L3MBTL4: variants seen among roughly 807,000 people sequenced by gnomAD.
The protein encoded by L3MBTL4 is L3MBTL histone methyl-lysine binding protein 4.
Under a neutral mutation model 84.5 loss-of-function variants are expected in L3MBTL4, and 70 were observed. That is an observed-to-expected ratio of 0.83 (90% CI 0.68 to 1.01). The LOEUF (loss-of-function observed/expected upper bound fraction) is 1.01. Ranked by LOEUF, L3MBTL4 falls within the 50% of genes least tolerant of loss-of-function variation. L3MBTL4 has a pLI of 0.00. For synonymous variants in L3MBTL4, 274 were observed against 259.8 expected (o/e 1.05, Z -0.52); for missense variants, 715 against 754.8 (o/e 0.95, Z 0.62).
intron 14 of L3MBTL4, among the ~76,000 whole-genome samples, chr18:6,130,570 A>G (rs994538500): frequency 3.3e-5 from 5 of 152,196 alleles, no homozygotes; most frequent in African/African-American, 1.2e-4. Context: ...TTCACATTGT[A>G]ACAATATCTG....
At position 6,285,813 on chromosome 18, in the gene L3MBTL4, T is replaced by TATTATC. The variant is rs1261143366; in HGVS notation, c.127+16089_127+16090insGATAAT. On this transcript the variant is annotated intron_variant, in intron 4 of 18. Coordinates refer to ENST00000317931, the MANE Select transcript of L3MBTL4 (RefSeq NM_001330559.2). Reference sequence around the variant, plus strand: ...CAATGAACTTTTTTAAAAGATATATTATTATTATTATTATTATTATTATTA... The same window carrying TATTATC: ...CAATGAACTTTTTTAAAAGATATATTATTATCATTATTATTATTATTATTATTATTA... Among the ~76,000 whole-genome samples the TATTATC allele has an allele frequency of 2.0e-3, 261 of 129,346 alleles. 1 individual carries two copies. Among genetic ancestry groups the TATTATC allele is most frequent in the African/African-American group, 9.0e-3 (257 of 28,656 alleles). 84.9% of individuals were successfully genotyped at this position (129,346 alleles called of 152,430 possible). A position where few individuals can be genotyped will look rare whatever the true frequency, so the allele number is the denominator to read the frequency against.
At position 6,312,947 on chromosome 18, in the gene L3MBTL4, C is replaced by T. The variant is rs549327180; in HGVS notation, c.-90-891G>A. 2.6e-5 allele frequency among the ~76,000 whole-genome samples: 4 copies of T among 152,244 alleles called. No homozygotes were observed. The South Asian group carries it at 8.3e-4, about 32-fold the overall frequency. On this transcript the variant is annotated intron_variant, in intron 1 of 18. Coordinates refer to ENST00000317931, the MANE Select transcript of L3MBTL4 (RefSeq NM_001330559.2). ...AACACCTTCCCCATTGCCTGCCCTC[C>T]CTTTTTCAACTTATCTAATTTGAAC...
Position 6,309,909 on chromosome 18 carries a change from AGCGGTAAGAT to A in L3MBTL4, c.72+1635_72+1644del, listed in dbSNP as rs552150218. Among the ~76,000 whole-genome samples the A allele has an allele frequency of 4.7e-3, 723 of 152,356 alleles. 3 individuals carry two copies. Among genetic ancestry groups the A allele is most frequent in the Non-Finnish European group, 7.1e-3 (480 of 68,028 alleles). Reference sequence around the variant, plus strand: ...AATATTGATTAACTGTAACATGCTTAGCGGTAAGATGCATCTAGCCACTTCCCTAGGACAA... The same window carrying A: ...AATATTGATTAACTGTAACATGCTTAGCATCTAGCCACTTCCCTAGGACAA... On this transcript the variant is annotated intron_variant, in intron 3 of 18. Coordinates refer to ENST00000317931, the MANE Select transcript of L3MBTL4 (RefSeq NM_001330559.2).
chr18:6,183,739 G>A (rs1186841298), intron 12 of L3MBTL4, among the ~76,000 whole-genome samples: 1 of 152,130 alleles, frequency 6.6e-6, no homozygotes, highest in Non-Finnish European at 1.5e-5. Flanking sequence ...AGAGTAAAAG[G>A]GAACACTATT....
intron 16 of L3MBTL4, among the ~76,000 whole-genome samples, chr18:6,037,359 T>C (rs1008830483): frequency 6.6e-6 from 1 of 152,208 alleles, no homozygotes; most frequent in Non-Finnish European, 1.5e-5. Context: ...TCTCTGGAAG[T>C]TGCAAGGCTT....
At chr18:6,091,849 C>T (rs994578903) in intron 15 of L3MBTL4, among the ~76,000 whole-genome samples, 1 of 151,946 alleles carries the variant, frequency 6.6e-6, no homozygotes, top group Non-Finnish European at 1.5e-5. Context: ...CAGATTATAG[C>T]AAAAAGATTA....
chr18:6,071,450 T>C (rs1237529466), intron 16 of L3MBTL4, among the ~76,000 whole-genome samples: 3 of 146,382 alleles, frequency 2.0e-5, no homozygotes, highest in South Asian at 4.3e-4. Flanking sequence ...TAACATTAGA[T>C]AGAAATGTAT....
chr18:6,356,224 C>T (rs537875105), intron 1 of L3MBTL4, among the ~76,000 whole-genome samples: 1 of 152,318 alleles, frequency 6.6e-6, no homozygotes, highest in Non-Finnish European at 1.5e-5. Context: ...ATTTACACTC[C>T]AAAGAATGCC....
chr18:6,323,706 G>T (rs1443042475), intron 1 of L3MBTL4, among the ~76,000 whole-genome samples: 1 of 152,214 alleles, frequency 6.6e-6, no homozygotes, highest in East Asian at 1.9e-4. Context: ...GCAAAGATAT[G>T]ACCTGAAATT....
At chr18:6,068,128 T>C (rs1485227180) in intron 16 of L3MBTL4, among the ~76,000 whole-genome samples, 1 of 152,208 alleles carries the variant, frequency 6.6e-6, no homozygotes, top group Non-Finnish European at 1.5e-5. Context: ...GCAGTAACCA[T>C]GCATTTGGCC....
chr18:6,108,613 A>T (rs2059089217), intron 14 of L3MBTL4, among the ~76,000 whole-genome samples: 1 of 152,110 alleles, frequency 6.6e-6, no homozygotes, highest in African/African-American at 2.4e-5. Flanking sequence ...TTAAAAAAAA[A>T]TTAATTGAAA....
Position 6,205,568 on chromosome 18 carries a change from C to T in L3MBTL4, c.981+7581G>A, listed in dbSNP as rs148061565. Among the ~76,000 whole-genome samples the T allele has an allele frequency of 3.5e-3, 529 of 152,250 alleles. 1 individual carries two copies. The highest frequency in any genetic ancestry group is 5.7e-3 in the Non-Finnish European group (388 of 68,028). On this transcript the variant is annotated intron_variant, in intron 12 of 18. Transcript: ENST00000317931. ...TTAAAGTAGTAATAGGAAAGTAAAACAACTACATTCTGGAAATATATTAAT... is the reference window on the plus strand; with the variant it reads ...TTAAAGTAGTAATAGGAAAGTAAAATAACTACATTCTGGAAATATATTAAT...
At position 6,138,213 on chromosome 18, in the gene L3MBTL4, G is replaced by A. The variant is rs201944585; in HGVS notation, c.1180C>T (p.Arg394Cys). Residue 394 changes from arginine (R) to cysteine (C), a missense_variant, in exon 14 of 19, where the codon CGT (arginine) becomes TGT (cysteine). Coordinates refer to ENST00000317931, the MANE Select transcript of L3MBTL4 (RefSeq NM_001330559.2). ...CRGIGHIRGP[R>C]YSGHHSAFGC... is the part of the protein sequence containing the mutation. Reference sequence around the variant, plus strand: ...TGTTACCTGTGATGTCCCGAATAACGTGGACCACGGATATGGCCTATTCCT... The same window carrying A: ...TGTTACCTGTGATGTCCCGAATAACATGGACCACGGATATGGCCTATTCCT... 18 of 1,611,034 alleles carry A rather than the reference G, an allele frequency of 1.1e-5. No homozygotes were observed. The highest frequency in any genetic ancestry group is 8.9e-5 in the East Asian group (4 of 44,846).
At chr18:6,194,609 A>G (rs905919734) in intron 12 of L3MBTL4, among the ~76,000 whole-genome samples, 1 of 152,176 alleles carries the variant, frequency 6.6e-6, no homozygotes, top group Admixed American at 6.5e-5. Flanking sequence ...ATCGAACAGA[A>G]AGTTCCCCTT....
At chr18:5,962,505 A>T (rs909157800) in intron 17 of L3MBTL4, among the ~76,000 whole-genome samples, 12 of 152,100 alleles carry the variant, frequency 7.9e-5, no homozygotes, top group African/African-American at 2.9e-4. Flanking sequence ...CTTCCTCCAC[A>T]GCAGCGGGGA....
chr18:6,366,397 A>G (rs2053936080), intron 1 of L3MBTL4, among the ~76,000 whole-genome samples: 2 of 152,234 alleles, frequency 1.3e-5, no homozygotes, highest in African/African-American at 4.8e-5. Context: ...AGATAACATA[A>G]TAGCATCAAT....
chr18:6,094,069 G>A (rs1302155909), intron 14 of L3MBTL4, among the ~76,000 whole-genome samples: 2 of 152,190 alleles, frequency 1.3e-5, no homozygotes, highest in African/African-American at 4.8e-5. Context: ...GGTGAGAGAG[G>A]AGAGGCCCAA....
intron 1 of L3MBTL4, among the ~76,000 whole-genome samples, chr18:6,336,612 G>A (rs1481436176): frequency 6.6e-6 from 1 of 152,204 alleles, no homozygotes. Flanking sequence ...ACCAGAGATA[G>A]ACTGAGGCTT....
At chr18:6,168,356 G>A (rs1432235370) in intron 13 of L3MBTL4, among the ~76,000 whole-genome samples, 2 of 152,214 alleles carry the variant, frequency 1.3e-5, no homozygotes, top group East Asian at 1.9e-4. Flanking sequence ...CCAAAAAAGA[G>A]CCCGCATTGC....
Sources: allele counts gnomAD v4.1 joint callset (sites outside exome capture counted in the v4.1 genomes callset), GRCh38; gene constraint gnomAD v4.1.1; transcripts MANE v1.5; gene names NCBI Gene and HGNC (gene_info 2026-07-23, HGNC 2026-07-21).